The following SLC17A1 variants were observed in gnomAD, a reference collection of about 807,000 sequenced individuals.
The protein encoded by SLC17A1 is solute carrier family 17 member 1.
A neutral mutation model predicts 53.5 loss-of-function variants in SLC17A1; 51 were observed. The ratio of observed to expected loss-of-function variants is 0.95; its 90% confidence interval spans 0.76 to 1.20. The LOEUF (loss-of-function observed/expected upper bound fraction) is 1.20. Ranked by LOEUF, SLC17A1 falls within the 50% of genes most tolerant of loss-of-function variation. The probability of loss-of-function intolerance (pLI) is 0.00; values close to 1 mark genes in which losing one functional copy is unlikely to be tolerated. For missense variants in SLC17A1, 538 were observed against 568.2 expected (o/e 0.95, Z 0.54); for synonymous variants, 179 against 198.8 (o/e 0.90, Z 0.84).
the SLC17A1 span, chr6:25,727,400 T>C: frequency 2.2e-6 from 1 of 456,828 alleles, no homozygotes; most frequent in African/African-American, 4.7e-5. Context: ...ACCGTAAGGG[T>C]TTTTTTTTTT....
At chr6:25,811,290 T>C (rs1053645520) in intron 10 of SLC17A1, 108 bp downstream of exon 10, 22 of 1,237,574 alleles carry the variant, frequency 1.8e-5, no homozygotes, top group Admixed American at 6.7e-5. Context: ...TGCTCGATTT[T>C]AGCCATTCCA....
In SLC17A1 at chr6:25,815,472, C is replaced by T. The variant is rs147102519; in HGVS notation, c.617-2259G>A. ...AAGTACTATTTTTTGTTTTCTGAGA[C>T]GAATTACTATTTTTTAAAGCTTTCT... On this transcript the variant is annotated intron_variant, in intron 6 of 12. Coordinates refer to ENST00000244527, the MANE Select transcript of SLC17A1 (RefSeq NM_005074.5). Among the ~76,000 whole-genome samples, 937 of 152,114 alleles carry T rather than the reference C, an allele frequency of 6.2e-3. 4 individuals carry two copies. Among genetic ancestry groups the T allele is most frequent in the Non-Finnish European group, 0.011 (759 of 67,980 alleles).
the SLC17A1 span, among the ~76,000 whole-genome samples, chr6:25,730,108 C>T: frequency 6.6e-6 from 1 of 151,940 alleles, no homozygotes; most frequent in African/African-American, 2.4e-5. Context: ...AGAATTTCCT[C>T]AAAAAATTAA....
the SLC17A1 span, among the ~76,000 whole-genome samples, chr6:25,738,484 T>C: frequency 6.6e-6 from 1 of 152,082 alleles, no homozygotes; most frequent in Non-Finnish European, 1.5e-5. Flanking sequence ...GAAAAGTCTT[T>C]TGAGTCTAGA....
chr6:25,786,895 C>T (rs1763394761), intron 12 of SLC17A1, among the ~76,000 whole-genome samples: 1 of 152,074 alleles, frequency 6.6e-6, no homozygotes, highest in Admixed American at 6.5e-5. Context: ...CAGCTGGAGA[C>T]ACAGGGAAGG....
At chr6:25,777,069 A>G in the SLC17A1 span, 1 of 1,195,964 alleles carries the variant, frequency 8.4e-7, no homozygotes, top group Non-Finnish European at 1.2e-6. Flanking sequence ...GTTGCAGGAA[A>G]TGTCAGCACC....
At chr6:25,760,000 C>T in the SLC17A1 span, among the ~76,000 whole-genome samples, 1 of 152,160 alleles carries the variant, frequency 6.6e-6, no homozygotes, top group Non-Finnish European at 1.5e-5. Context: ...TGTGGCTGTG[C>T]TTATTAGTCT....
intron 3 of SLC17A1, among the ~76,000 whole-genome samples, chr6:25,824,280 T>C (rs1045275016): frequency 2.0e-5 from 3 of 151,882 alleles, no homozygotes; most frequent in South Asian, 4.1e-4. Context: ...TGGATCTACA[T>C]TTAAGAAGTA....
the SLC17A1 span, among the ~76,000 whole-genome samples, chr6:25,746,787 T>A: frequency 4.6e-5 from 7 of 152,194 alleles, no homozygotes; most frequent in African/African-American, 1.7e-4. Flanking sequence ...CAACCTTGCG[T>A]ATCCCCTTCT....
At chr6:25,729,157 T>C in the SLC17A1 span, among the ~76,000 whole-genome samples, 2 of 152,266 alleles carry the variant, frequency 1.3e-5, no homozygotes, top group African/African-American at 4.8e-5. Flanking sequence ...TAAGTAGGAA[T>C]ACCAGCAAAT....
downstream of SLC17A1, among the ~76,000 whole-genome samples, chr6:25,781,365 C>CA (rs1310820623): frequency 1.3e-5 from 2 of 151,632 alleles, no homozygotes; most frequent in African/African-American, 2.4e-5. Context: ...AGAATGTTTC[C>CA]AAAAAAAGTG....
chr6:25,830,945 C>G (rs192783720), intron 1 of SLC17A1, among the ~76,000 whole-genome samples: 3 of 152,252 alleles, frequency 2.0e-5, no homozygotes, highest in Non-Finnish European at 4.4e-5. Flanking sequence ...CTAAAAGAAG[C>G]CTTTCAGGCA....
At chr6:25,756,965 AATG>A in the SLC17A1 span, among the ~76,000 whole-genome samples, 1 of 152,200 alleles carries the variant, frequency 6.6e-6, no homozygotes, top group Non-Finnish European at 1.5e-5. Flanking sequence ...TGTGAAAATA[AATG>A]ATAAGCAAAT....
the SLC17A1 span, among the ~76,000 whole-genome samples, chr6:25,750,788 G>A: frequency 1.3e-5 from 2 of 151,456 alleles, no homozygotes; most frequent in African/African-American, 4.9e-5. Context: ...GTGTGTGTGG[G>A]GGGAGGGGGG....
chr6:25,744,134 G>A, the SLC17A1 span, among the ~76,000 whole-genome samples: 1 of 152,224 alleles, frequency 6.6e-6, no homozygotes, highest in African/African-American at 2.4e-5. Flanking sequence ...ACAGTGGGGA[G>A]ATATGACTGG....
the SLC17A1 span, among the ~76,000 whole-genome samples, chr6:25,733,977 G>T: frequency 6.6e-6 from 1 of 151,890 alleles, no homozygotes; most frequent in Non-Finnish European, 1.5e-5. Flanking sequence ...ACTATACCTG[G>T]CTAGTTTTTT....
chr6:25,826,707 A>G, intron 2 of SLC17A1, 74 bp from the exon 3 acceptor site: 2 of 1,125,704 alleles, frequency 1.8e-6, no homozygotes, highest in Non-Finnish European at 2.4e-6. Flanking sequence ...TAGGAGGGAC[A>G]TTCAGAAATT....
chr6:25,726,687 C>T, the SLC17A1 span: 2 of 1,091,320 alleles, frequency 1.8e-6, no homozygotes, highest in Non-Finnish European at 2.6e-6. Flanking sequence ...GCATTCACGC[C>T]ACTTCCCATT....
At chr6:25,827,298 GT>G (rs1409011268) in intron 2 of SLC17A1, among the ~76,000 whole-genome samples, 1 of 152,038 alleles carries the variant, frequency 6.6e-6, no homozygotes, top group African/African-American at 2.4e-5. Context: ...ATACAGAAAT[GT>G]TTATAGTAGA....
Sources: allele counts gnomAD v4.1 joint callset (sites outside exome capture counted in the v4.1 genomes callset), GRCh38; gene constraint gnomAD v4.1.1; transcripts MANE v1.5; gene names NCBI Gene and HGNC (gene_info 2026-07-23, HGNC 2026-07-21).